NT5DC3: variants seen among roughly 807,000 people sequenced by gnomAD.
NT5DC3 encodes the protein 5'-nucleotidase domain containing 3, also known as 5'-nucleotidase domain-containing protein 3.
A neutral mutation model predicts 67.8 loss-of-function variants in NT5DC3; 42 were observed. The observed-to-expected ratio is 0.62, with a 90% CI of 0.48 to 0.80. NT5DC3 has a LOEUF of 0.80. NT5DC3 is among the 30% of genes least tolerant of loss of function. The pLI, the probability that NT5DC3 is intolerant of heterozygous loss-of-function variation, is 0.00. For synonymous variants in NT5DC3, 237 were observed against 255.6 expected (o/e 0.93, Z 0.69); for missense variants, 570 against 696.4 (o/e 0.82, Z 2.04).
chr12:103,771,895 G>A (rs151001689), downstream of NT5DC3, among the ~76,000 whole-genome samples: 88 of 152,064 alleles, frequency 5.8e-4, no homozygotes, highest in East Asian at 0.011. Flanking sequence ...CCAGAAAATC[G>A]CCCCCAAAAA....
intron 5 of NT5DC3, among the ~76,000 whole-genome samples, chr12:103,797,900 A>C (rs964696695): frequency 2.0e-5 from 3 of 152,236 alleles, no homozygotes; most frequent in Non-Finnish European, 4.4e-5. Flanking sequence ...GCCTATCTTA[A>C]GCATTCTCAG....
chr12:103,815,893 T>G (rs1887230362), intron 1 of NT5DC3, among the ~76,000 whole-genome samples: 1 of 152,248 alleles, frequency 6.6e-6, no homozygotes, highest in Non-Finnish European at 1.5e-5. Flanking sequence ...TATTTGCAGA[T>G]TTTAGAAAGT....
At chr12:103,752,640 C>T in the NT5DC3 span, among the ~76,000 whole-genome samples, 1 of 152,112 alleles carries the variant, frequency 6.6e-6, no homozygotes, top group Admixed American at 6.6e-5. Flanking sequence ...CAGAAACTCA[C>T]TTTAATGTGT....
intron 1 of NT5DC3, 54 bp downstream of exon 1, chr12:103,840,895 C>A: frequency 8.7e-7 from 1 of 1,151,226 alleles, no homozygotes; most frequent in Non-Finnish European, 1.1e-6. Context: ...CGCTTCCCAG[C>A]TGAGCGCGCA....
chr12:103,797,465 T>C (rs866743806), intron 5 of NT5DC3, among the ~76,000 whole-genome samples: 1 of 137,714 alleles, frequency 7.3e-6, no homozygotes, highest in Middle Eastern at 3.6e-3. Flanking sequence ...AGCAAAACTC[T>C]GCCTTAAAAA....
chr12:103,811,616 A>G (rs1887036073), intron 2 of NT5DC3, among the ~76,000 whole-genome samples: 3 of 152,210 alleles, frequency 2.0e-5, no homozygotes, highest in Admixed American at 1.3e-4. Context: ...CATGACAACT[A>G]ACTGCAATGT....
chr12:103,766,169 C>T (rs757022142), downstream of NT5DC3: 2 of 1,356,372 alleles, frequency 1.5e-6, no homozygotes, highest in South Asian at 1.2e-5. Context: ...ACGCCCAGCA[C>T]ATACGTGTTC....
At chr12:103,747,832 T>A in the NT5DC3 span, among the ~76,000 whole-genome samples, 1 of 151,950 alleles carries the variant, frequency 6.6e-6, no homozygotes, top group African/African-American at 2.4e-5. Context: ...CCATCTCTAC[T>A]AAATCTACAA....
chr12:103,801,702 G>T (rs1886592502), intron 4 of NT5DC3, among the ~76,000 whole-genome samples: 1 of 151,978 alleles, frequency 6.6e-6, no homozygotes, highest in Admixed American at 6.6e-5. Flanking sequence ...TTTTTTAAAT[G>T]TATTTAACAC....
chr12:103,753,611 C>T, the NT5DC3 span, among the ~76,000 whole-genome samples: 73 of 152,338 alleles, frequency 4.8e-4, 1 homozygote, highest in Middle Eastern at 0.01. Flanking sequence ...TTACTATTCC[C>T]ATTTTACAGA....
downstream of NT5DC3, among the ~76,000 whole-genome samples, chr12:103,769,805 C>CT (rs1349226942): frequency 6.6e-6 from 1 of 152,260 alleles, no homozygotes; most frequent in African/African-American, 2.4e-5. Flanking sequence ...CAAAGAAATT[C>CT]TGAAACATTT....
At position 103,819,250 on chromosome 12, in the gene NT5DC3, G is replaced by T. The variant is rs1284421219; in HGVS notation, c.209-4129C>A. ...AACACGAGGAGCAGCATCTTAAAGGGATCTTGGCACCCCGTGCAAACTTTA... is the reference window on the plus strand; with the variant it reads ...AACACGAGGAGCAGCATCTTAAAGGTATCTTGGCACCCCGTGCAAACTTTA... On this transcript the variant is annotated intron_variant, in intron 1 of 13. Transcript: ENST00000392876. 3.3e-5 allele frequency among the ~76,000 whole-genome samples: 5 copies of T among 152,156 alleles called. 1 individual carries two copies. In the East Asian group the frequency reaches 9.6e-4, roughly 29 times the overall value.
At chr12:103,817,594 T>C (rs937985795) in intron 1 of NT5DC3, among the ~76,000 whole-genome samples, 2 of 48,656 alleles carry the variant, frequency 4.1e-5, no homozygotes, top group African/African-American at 2.0e-4. Context: ...AAGAAGACTT[T>C]ACATTCTCTC....
the NT5DC3 span, among the ~76,000 whole-genome samples, chr12:103,747,160 C>G: frequency 4.3e-3 from 647 of 151,562 alleles, 10 homozygotes; most frequent in Admixed American, 0.022. Flanking sequence ...AGTAATCCAG[C>G]CTTCAAAAAA....
At chr12:103,758,006 A>G in the NT5DC3 span, 4 of 1,021,450 alleles carry the variant, frequency 3.9e-6, no homozygotes, top group Non-Finnish European at 5.6e-6. Context: ...AAAGTCCTCA[A>G]ACTCTCCCAC....
intron 13 of NT5DC3, 103 bp from the exon 14 acceptor site, chr12:103,778,184 AGGACTCATTTG>A: frequency 3.6e-6 from 4 of 1,103,178 alleles, no homozygotes; most frequent in Non-Finnish European, 3.8e-6. Flanking sequence ...AAAAAAAAAT[AGGACTCATTTG>A]AGAAACATGT....
At chr12:103,816,388 T>C (rs779994706) in intron 1 of NT5DC3, among the ~76,000 whole-genome samples, 2 of 152,232 alleles carry the variant, frequency 1.3e-5, no homozygotes, top group Non-Finnish European at 2.9e-5. Flanking sequence ...ACCTGTACTC[T>C]ATGTTACACA....
downstream of NT5DC3, chr12:103,766,049 T>A (rs1884932917): frequency 1.5e-6 from 1 of 663,880 alleles, no homozygotes; most frequent in Non-Finnish European, 2.8e-6. Flanking sequence ...TGCAGCCGAG[T>A]TGGGATGATT....
intron 1 of NT5DC3, among the ~76,000 whole-genome samples, chr12:103,818,527 C>T (rs1343982037): frequency 6.6e-6 from 1 of 152,022 alleles, no homozygotes; most frequent in Non-Finnish European, 1.5e-5. Flanking sequence ...AGGTGTGCAC[C>T]ACCACGCCTG....
Sources: gnomAD v4.1 joint callset for allele counts (sites outside exome capture counted in the v4.1 genomes callset) on GRCh38, gnomAD v4.1.1 for gene constraint, MANE v1.5 for transcripts, NCBI Gene and HGNC (gene_info 2026-07-23, HGNC 2026-07-21) for gene names.